Variants in KCND2 observed in about 807,000 individuals in gnomAD.
KCND2 encodes the protein A-type voltage-gated potassium channel KCND2.
In KCND2, 16 loss-of-function variants were observed where a neutral mutation model predicts 54.4. That is an observed-to-expected ratio of 0.29 (90% CI 0.20 to 0.45). KCND2 has a LOEUF of 0.45. Among genes scored for constraint, KCND2 ranks in the 20% least tolerant of loss-of-function variants. KCND2 has a pLI of 1.00. For synonymous variants in KCND2, 317 were observed against 310.7 expected, an observed-to-expected ratio of 1.02 and a Z score of -0.21; for missense variants, 486 against 824.2, an observed-to-expected ratio of 0.59 and a Z score of 5.02.
intron 1 of KCND2, among the ~76,000 whole-genome samples, chr7:120,432,087 C>T (rs1033106415): frequency 9.9e-5 from 15 of 152,074 alleles, no homozygotes; most frequent in African/African-American, 3.1e-4. Flanking sequence ...ATATTTTCAC[C>T]GTGACAAACC....
rs78348165 is a variant in KCND2, at chr7:120,525,080, C to G, written c.1116-207823C>G. Among the ~76,000 whole-genome samples the G allele has an allele frequency of 6.5e-3, 993 of 152,170 alleles. 12 individuals carry two copies. The highest frequency in any genetic ancestry group is 0.022 in the African/African-American group (918 of 41,542). ...TATATTTTAGCCTAAATAACTTCTG[C>G]CTCATGTTGGTTCCTGCCAGTGTTC... On this transcript the variant is annotated intron_variant, in intron 1 of 5. Coordinates refer to ENST00000331113, the MANE Select transcript of KCND2 (RefSeq NM_012281.3).
At chr7:120,472,536 T>C (rs527954421) in intron 1 of KCND2, among the ~76,000 whole-genome samples, 1 of 151,202 alleles carries the variant, frequency 6.6e-6, no homozygotes, top group Admixed American at 6.6e-5. Flanking sequence ...TTAATATTTT[T>C]CACCTGATTG....
At chr7:120,315,998 C>A (rs975872737) in intron 1 of KCND2, among the ~76,000 whole-genome samples, 3 of 151,882 alleles carry the variant, frequency 2.0e-5, no homozygotes, top group Non-Finnish European at 4.4e-5. Flanking sequence ...GGAAAGTATA[C>A]AAAAACAAAT....
intron 1 of KCND2, among the ~76,000 whole-genome samples, chr7:120,386,658 A>G (rs996749825): frequency 4.6e-5 from 7 of 152,154 alleles, no homozygotes; most frequent in African/African-American, 1.7e-4. Context: ...TTTTTAACCT[A>G]ATAAACACCA....
At chr7:120,636,643 C>A (rs1196920459) in intron 1 of KCND2, among the ~76,000 whole-genome samples, 2 of 152,074 alleles carry the variant, frequency 1.3e-5, no homozygotes, top group African/African-American at 2.4e-5. Context: ...TGGGTTCCCA[C>A]ATATTTGCTT....
chr7:120,630,584 G>A lies in KCND2; in HGVS notation c.1116-102319G>A, dbSNP rs989440906. 3.3e-5 allele frequency among the ~76,000 whole-genome samples: 5 copies of A among 152,114 alleles called. 1 individual carries two copies. The South Asian group carries it at 1.0e-3, about 32-fold the overall frequency. ...ATAAAGGAATTGTGGGGAAAACATA[G>A]TTAATACAAATATCTATAATCTATA... is the stretch of plus-strand genomic sequence containing the variant. On this transcript the variant is annotated intron_variant, in intron 1 of 5. Transcript: ENST00000331113.
At chr7:120,494,034 A>C (rs1802818269) in intron 1 of KCND2, among the ~76,000 whole-genome samples, 1 of 152,172 alleles carries the variant, frequency 6.6e-6, no homozygotes, top group Admixed American at 6.6e-5. Flanking sequence ...TTTGATAACA[A>C]ACAGAATAAT....
chr7:120,674,892 C>T (rs981344307), intron 1 of KCND2, among the ~76,000 whole-genome samples: 1 of 151,946 alleles, frequency 6.6e-6, no homozygotes, highest in Non-Finnish European at 1.5e-5. Flanking sequence ...CTTTGTAATA[C>T]AATTGATTCA....
At chr7:120,715,423 G>A (rs1562918277) in intron 1 of KCND2, among the ~76,000 whole-genome samples, 1 of 151,970 alleles carries the variant, frequency 6.6e-6, no homozygotes. Context: ...ACTTCTGGGT[G>A]TTCTTCTTAT....
intron 1 of KCND2, among the ~76,000 whole-genome samples, chr7:120,661,658 AAAAG>A (rs1278097105): frequency 1.4e-5 from 2 of 145,350 alleles, no homozygotes; most frequent in African/African-American, 2.7e-5. Context: ...TCAAAAAAAA[AAAAG>A]AAAGAAAGGA....
chr7:120,641,037 T>C (rs1369958012), intron 1 of KCND2, among the ~76,000 whole-genome samples: 2 of 152,332 alleles, frequency 1.3e-5, no homozygotes, highest in East Asian at 3.9e-4. Context: ...TACATTTCTC[T>C]CAGGAGGACT....
At chr7:120,326,929 T>A (rs1009726550) in intron 1 of KCND2, among the ~76,000 whole-genome samples, 1 of 152,102 alleles carries the variant, frequency 6.6e-6, no homozygotes, top group Non-Finnish European at 1.5e-5. Context: ...GTTGCCTTCA[T>A]GTCTAATAGA....
chr7:120,661,572 C>T (rs1476564883), intron 1 of KCND2, among the ~76,000 whole-genome samples: 3 of 151,830 alleles, frequency 2.0e-5, no homozygotes, highest in Non-Finnish European at 4.4e-5. Context: ...ATCACTTGAA[C>T]CTGAGAGGCG....
Position 120,645,213 on chromosome 7 carries a change from G to A in KCND2, c.1116-87690G>A, listed in dbSNP as rs150662942. Among the ~76,000 whole-genome samples the A allele has an allele frequency of 1.4e-3, 215 of 152,312 alleles. 1 individual carries two copies. The highest frequency in any genetic ancestry group is 6.8e-3 in the Middle Eastern group (2 of 294). ...ATAAAAGCCTGCGTATAAGCCGGCCGCTTGATAAATGGCATGCTAATATGT... is the reference window on the plus strand; with the variant it reads ...ATAAAAGCCTGCGTATAAGCCGGCCACTTGATAAATGGCATGCTAATATGT... On this transcript the variant is annotated intron_variant, in intron 1 of 5. Transcript: ENST00000331113.
chr7:120,714,370 T>C (rs1391007519), intron 1 of KCND2, among the ~76,000 whole-genome samples: 1 of 152,120 alleles, frequency 6.6e-6, no homozygotes, highest in Non-Finnish European at 1.5e-5. Flanking sequence ...AAGTTGGTTG[T>C]ATAGAACACA....
At chr7:120,334,709 C>A (rs1428464059) in intron 1 of KCND2, among the ~76,000 whole-genome samples, 1 of 152,248 alleles carries the variant, frequency 6.6e-6, no homozygotes, top group East Asian at 1.9e-4. Flanking sequence ...ATATATTTCA[C>A]CTCATCTTAA....
chr7:120,557,477 T>C (rs1792179742), intron 1 of KCND2, among the ~76,000 whole-genome samples: 1 of 152,118 alleles, frequency 6.6e-6, no homozygotes, highest in Non-Finnish European at 1.5e-5. Context: ...ATAGTTGATA[T>C]TTCAGTTTCA....
chr7:120,646,163 C>A (rs1158674407), intron 1 of KCND2, among the ~76,000 whole-genome samples: 1 of 152,222 alleles, frequency 6.6e-6, no homozygotes. Context: ...CTTCCCACAA[C>A]CATATGTGAC....
chr7:120,330,581 CAAAAAAAAAAAA>C (rs3067024), intron 1 of KCND2, among the ~76,000 whole-genome samples: 1 of 48,384 alleles, frequency 2.1e-5, no homozygotes. Context: ...AACTCTGTCT[CAAAAAAAAAAAA>C]AAAAAAAAAA....
Sources: allele counts gnomAD v4.1 joint callset (sites outside exome capture counted in the v4.1 genomes callset), GRCh38; gene constraint gnomAD v4.1.1; transcripts MANE v1.5; gene names NCBI Gene and HGNC (gene_info 2026-07-23, HGNC 2026-07-21).